WDR7: variants seen among roughly 807,000 people sequenced by gnomAD.
WDR7 encodes WD repeat domain 7.
A neutral mutation model predicts 169.4 loss-of-function variants in WDR7; 46 were observed. The ratio of observed to expected loss-of-function variants is 0.27; its 90% confidence interval spans 0.21 to 0.35. The LOEUF (loss-of-function observed/expected upper bound fraction) is 0.35. Among genes scored for constraint, WDR7 ranks in the 10% least tolerant of loss-of-function variants. The pLI, the probability that WDR7 is intolerant of heterozygous loss-of-function variation, is 1.00. For synonymous variants in WDR7, 612 were observed against 666.8 expected, an observed-to-expected ratio of 0.92 and a Z score of 1.27; for missense variants, 1,534 against 1,859.3, an observed-to-expected ratio of 0.83 and a Z score of 3.22.
chr18:56,924,143 T>A lies in WDR7; in HGVS notation c.3713+35T>A, dbSNP rs774004155. 4.4e-6 allele frequency: 7 copies of A among 1,602,884 alleles called. 1 individual carries two copies. The South Asian group carries it at 8.0e-5, about 18-fold the overall frequency. On this transcript the variant is annotated intron_variant, in intron 22 of 27. Coordinates refer to ENST00000254442, the MANE Select transcript of WDR7 (RefSeq NM_015285.3). Reference sequence around the variant, plus strand: ...GATTCCGGTTAATTTAATTTGTCACTGTTTTTTGTTTTAGGGGTTTTTTTG... The same window carrying A: ...GATTCCGGTTAATTTAATTTGTCACAGTTTTTTGTTTTAGGGGTTTTTTTG...
chr18:56,940,000 G>A (rs906860747), intron 25 of WDR7, among the ~76,000 whole-genome samples: 62 of 151,732 alleles, frequency 4.1e-4, no homozygotes, highest in African/African-American at 1.4e-3. Flanking sequence ...GAGCCAAAGT[G>A]TAGTAACGTT....
chr18:57,002,204 T>G (rs1376510781), intron 26 of WDR7, among the ~76,000 whole-genome samples: 1 of 152,184 alleles, frequency 6.6e-6, no homozygotes, highest in Non-Finnish European at 1.5e-5. Flanking sequence ...CTGAGTTGTC[T>G]CGAACCCAGA....
chr18:56,713,415 T>C (rs537798296), intron 12 of WDR7, among the ~76,000 whole-genome samples: 2 of 152,260 alleles, frequency 1.3e-5, no homozygotes, highest in South Asian at 4.1e-4. Context: ...ACAATTTAGG[T>C]GATACATTGC....
chr18:56,760,309 A>G (rs1022787478), intron 16 of WDR7, among the ~76,000 whole-genome samples: 1 of 152,186 alleles, frequency 6.6e-6, no homozygotes, highest in Non-Finnish European at 1.5e-5. Context: ...TTCCTCTTCT[A>G]GAGGTAATCA....
At chr18:56,803,824 CAG>C (rs1385681303) in intron 19 of WDR7, among the ~76,000 whole-genome samples, 1 of 152,126 alleles carries the variant, frequency 6.6e-6, no homozygotes, top group Non-Finnish European at 1.5e-5. Flanking sequence ...TTTTTTGAGA[CAG>C]GGTCTTGCTC....
chr18:56,694,571 TTTTGATTAAAAATAC>T (rs2025655459), intron 9 of WDR7, 33 bp from the exon 10 acceptor site: 1 of 1,530,900 alleles, frequency 6.5e-7, no homozygotes, highest in African/African-American at 1.7e-5. Flanking sequence ...GTGTGAAATA[TTTTGATTAAAAATAC>T]AGCTAAAGAT....
intron 9 of WDR7, among the ~76,000 whole-genome samples, chr18:56,694,325 C>T (rs1568141301): frequency 1.1e-5 from 1 of 91,150 alleles, no homozygotes; most frequent in African/African-American, 2.5e-5. Flanking sequence ...TGTGGCTACA[C>T]ATGAGTTATT....
At chr18:56,932,909 A>G (rs1234348338) in intron 22 of WDR7, among the ~76,000 whole-genome samples, 2 of 147,060 alleles carry the variant, frequency 1.4e-5, no homozygotes, top group Middle Eastern at 3.3e-3. Context: ...GTGTGTGTCT[A>G]TCTGTCTGTC....
intron 11 of WDR7, 119 bp from the exon 12 acceptor site, chr18:56,696,123 T>C (rs2025697747): frequency 1.2e-6 from 1 of 828,226 alleles, no homozygotes; most frequent in Admixed American, 3.0e-5. Flanking sequence ...GAAGATAAAA[T>C]TGGAAGCCTT....
chr18:56,795,308 C>T (rs1224169356), intron 19 of WDR7, among the ~76,000 whole-genome samples: 1 of 152,130 alleles, frequency 6.6e-6, no homozygotes, highest in East Asian at 1.9e-4. Flanking sequence ...CCTGAGTCAA[C>T]TCATGTAAGA....
Position 56,834,491 on chromosome 18 carries a change from A to G in WDR7, c.3304+18347A>G, listed in dbSNP as rs1490237297. ...TGTTTTGTTTGTGTGATAGAGCAAG[A>G]GATCTCCCTCCTTGTCTTCTCTTTG... On this transcript the variant is annotated intron_variant, in intron 20 of 27. Transcript: ENST00000254442. Among the ~76,000 whole-genome samples, 11 of 151,616 alleles carry G rather than the reference A, an allele frequency of 7.3e-5. No individual in the cohort carries two copies. The East Asian group carries it at 2.1e-3, about 29-fold the overall frequency.
chr18:56,778,133 CTTAA>C (rs888592387), intron 17 of WDR7, among the ~76,000 whole-genome samples: 4 of 152,068 alleles, frequency 2.6e-5, no homozygotes, highest in African/African-American at 9.7e-5. Context: ...TTTCCATCAC[CTTAA>C]TTAATGTAAT....
intron 21 of WDR7, among the ~76,000 whole-genome samples, chr18:56,906,905 C>G (rs745962148): frequency 2.3e-4 from 35 of 152,330 alleles, no homozygotes; most frequent in South Asian, 1.0e-3. Flanking sequence ...AAGATTGGCA[C>G]TGGCTGTCAC....
At chr18:56,985,320 T>C (rs2047698368) in intron 26 of WDR7, among the ~76,000 whole-genome samples, 1 of 152,192 alleles carries the variant, frequency 6.6e-6, no homozygotes, top group Non-Finnish European at 1.5e-5. Flanking sequence ...AATAATAGGC[T>C]AAGGAAAAGA....
chr18:56,719,922 TG>T (rs2026282593), intron 13 of WDR7, among the ~76,000 whole-genome samples: 1 of 152,124 alleles, frequency 6.6e-6, no homozygotes, highest in African/African-American at 2.4e-5. Context: ...AATGTAAGTG[TG>T]TTTATATGTA....
At chr18:56,941,683 C>T (rs1442229078) in intron 25 of WDR7, among the ~76,000 whole-genome samples, 1 of 152,166 alleles carries the variant, frequency 6.6e-6, no homozygotes, top group Non-Finnish European at 1.5e-5. Flanking sequence ...ATCATTTCAT[C>T]ATAATGTTGA....
chr18:56,813,305 T>C (rs1041775433), intron 19 of WDR7, among the ~76,000 whole-genome samples: 2 of 152,118 alleles, frequency 1.3e-5, no homozygotes, highest in Non-Finnish European at 2.9e-5. Context: ...CTTCCAATGA[T>C]ATGTTAAGTA....
At chr18:56,899,829 T>A in intron 21 of WDR7, among the ~76,000 whole-genome samples, 1 of 152,150 alleles carries the variant, frequency 6.6e-6, no homozygotes, top group South Asian at 2.1e-4. Context: ...GCTTTAAGAA[T>A]AAAGGAGTTT....
At chr18:56,801,355 G>C (rs749605312) in intron 19 of WDR7, among the ~76,000 whole-genome samples, 1 of 151,988 alleles carries the variant, frequency 6.6e-6, no homozygotes, top group Non-Finnish European at 1.5e-5. Flanking sequence ...AGCTGTTTTT[G>C]TTTACACCTT....
Sources: allele counts gnomAD v4.1 joint callset (sites outside exome capture counted in the v4.1 genomes callset), GRCh38; gene constraint gnomAD v4.1.1; transcripts MANE v1.5; gene names NCBI Gene and HGNC (gene_info 2026-07-23, HGNC 2026-07-21).